The following ZNF560 variants were observed in gnomAD, a reference collection of about 807,000 sequenced individuals.
ZNF560 encodes zinc finger protein 560.
In ZNF560, 54 loss-of-function variants were observed where a neutral mutation model predicts 81.8. The ratio of observed to expected loss-of-function variants is 0.66; its 90% CI spans 0.53 to 0.83. The LOEUF is 0.83. Among genes scored for constraint, ZNF560 ranks in the 40% least tolerant of loss-of-function variants. The pLI is 0.00. For synonymous variants in ZNF560, 321 were observed against 317.9 expected, an observed-to-expected ratio of 1.01 and a Z score of -0.10; for missense variants, 940 against 932.4, an observed-to-expected ratio of 1.01 and a Z score of -0.11.
At chr19:9,461,692 G>A (rs915371054), downstream of ZNF560, among the ~76,000 whole-genome samples, 1 of 152,082 alleles carries the variant, frequency 6.6e-6, no homozygotes, top group Non-Finnish European at 1.5e-5. Context: ...TAGCTAGTTT[G>A]GAATATGGAA....
In ZNF560 at chr19:9,474,244, A is replaced by C; in HGVS notation, c.112T>G (p.Tyr38Asp). 1 of 1,614,152 alleles carries C rather than the reference A, an allele frequency of 6.2e-7. No homozygotes were observed. The highest frequency in any genetic ancestry group is 8.5e-7 in the Non-Finnish European group (1 of 1,180,012). Reference sequence around the variant, plus strand: ...TAATTCTCCAGCATCACATCTCTGTATAAGTTTCTCTGAACTGGGTCCAGT... The same window carrying C: ...TAATTCTCCAGCATCACATCTCTGTCTAAGTTTCTCTGAACTGGGTCCAGT... ...ILLDPVQRNL[Y>D]RDVMLENYEN... is the part of the protein sequence containing the mutation. The change falls in exon 4 of 10, where the codon TAC (tyrosine) becomes GAC (aspartate). Residue 38 changes from tyrosine (Y) to aspartate (D), a missense_variant. By Grantham distance (160) the Tyr-to-Asp change is radical. Transcript: ENST00000301480.
At chr19:9,483,718 G>T (rs1165862771) in intron 2 of ZNF560, among the ~76,000 whole-genome samples, 1 of 151,306 alleles carries the variant, frequency 6.6e-6, no homozygotes, top group African/African-American at 2.4e-5. Context: ...GGGAGGTGGG[G>T]GGCGCCTCTG....
At chr19:9,461,654 C>A (rs1363726048), downstream of ZNF560, among the ~76,000 whole-genome samples, 2 of 152,094 alleles carry the variant, frequency 1.3e-5, no homozygotes, top group Non-Finnish European at 2.9e-5. Flanking sequence ...TGATCTCCAA[C>A]CAACTGTAAT....
At chr19:9,471,401 GGTTTT>G (rs1054593156) in intron 5 of ZNF560, 23 bp from the exon 6 acceptor site, 1 of 1,423,838 alleles carries the variant, frequency 7.0e-7, no homozygotes, top group African/African-American at 1.6e-5. Context: ...CATAAACTGA[GGTTTT>G]TTTTTTTTTT....
At chr19:9,505,120 C>T in the ZNF560 span, among the ~76,000 whole-genome samples, 13 of 152,238 alleles carry the variant, frequency 8.5e-5, no homozygotes, top group Non-Finnish European at 2.9e-5. Context: ...AAGACAGAGT[C>T]TCATTATGTT....
At chr19:9,495,737 G>A (rs904605962) in intron 2 of ZNF560, among the ~76,000 whole-genome samples, 2 of 152,040 alleles carry the variant, frequency 1.3e-5, no homozygotes, top group Non-Finnish European at 2.9e-5. Context: ...AGAAAGAAAA[G>A]AAAGAAAGAA....
rs2073029100 is a variant in ZNF560, at chr19:9,466,881, C to T, written c.2066G>A (p.Cys689Tyr). The T allele has an allele frequency of 6.2e-7, 1 of 1,613,948 alleles. No homozygotes were observed. Among genetic ancestry groups the T allele is most frequent in the South Asian group, 1.1e-5 (1 of 91,082 alleles). ...AAEKTSECNACGNSFRNSMCF... is the reference protein window; with the variant it reads ...AAEKTSECNAYGNSFRNSMCF... ...CATGGAATTTCGAAAGGAATTTCCA[C>T]ATGCGTTACATTCAGAGGTCTTCTC... Residue 689 changes from cysteine to tyrosine, a missense_variant, in exon 10 of 10, where the codon TGT becomes TAT. Cys to Tyr is a radical substitution (Grantham distance 194). Coordinates refer to ENST00000301480, the MANE Select transcript of ZNF560 (RefSeq NM_152476.3).
chr19:9,496,198 C>T (rs1159633214), intron 2 of ZNF560, among the ~76,000 whole-genome samples: 1 of 151,946 alleles, frequency 6.6e-6, no homozygotes, highest in Non-Finnish European at 1.5e-5. Context: ...TCTGGGCGTC[C>T]TGCAAGGGAT....
At chr19:9,484,780 C>T (rs1215867164) in intron 2 of ZNF560, among the ~76,000 whole-genome samples, 1 of 148,936 alleles carries the variant, frequency 6.7e-6, no homozygotes, top group African/African-American at 2.5e-5. Flanking sequence ...AAGACTCCAT[C>T]TCAAAAAATA....
chr19:9,448,769 G>A, the ZNF560 span, among the ~76,000 whole-genome samples: 2 of 152,002 alleles, frequency 1.3e-5, no homozygotes, highest in African/African-American at 2.4e-5. Flanking sequence ...GGATAAAAAC[G>A]ACAAGTACTA....
At position 9,467,964 on chromosome 19, in the gene ZNF560, G is replaced by T. The variant is rs1395447697; in HGVS notation, c.983C>A (p.Ala328Glu). The change falls in exon 10 of 10, where the codon GCA (alanine) becomes GAA (glutamate). Residue 328 changes from alanine (A) to glutamate (E), a missense_variant. Transcript: ENST00000301480. ...AGCATGGCTTGTGGAGTGAGTAAATGCTTCCCCACATTGCTTCCATTCATT... is the reference window on the plus strand; with the variant it reads ...AGCATGGCTTGTGGAGTGAGTAAATTCTTCCCCACATTGCTTCCATTCATT... ...KLNEWKQCGE[A>E]FTHSTSHAVN... The T allele has an allele frequency of 6.2e-7, 1 of 1,614,120 alleles. No individual in the cohort carries two copies. The highest frequency in any genetic ancestry group is 2.2e-5 in the East Asian group (1 of 44,874).
chr19:9,472,896 A>G (rs1432542251), intron 5 of ZNF560, among the ~76,000 whole-genome samples: 1 of 151,984 alleles, frequency 6.6e-6, no homozygotes, highest in Non-Finnish European at 1.5e-5. Context: ...ACACTATGAC[A>G]CCACCCCCAA....
rs574165656 is a variant in ZNF560, at chr19:9,479,101, C to T, written c.-56-3732G>A. ...GAATCACTTGAATGGGCAGGAGAAT[C>T]GCTTGAACCCAGCAGATGAAGATTG... is the stretch of plus-strand genomic sequence containing the variant. On this transcript the variant is annotated intron_variant, in intron 2 of 9. Coordinates refer to ENST00000301480, the MANE Select transcript of ZNF560 (RefSeq NM_152476.3). 5.5e-4 allele frequency among the ~76,000 whole-genome samples: 84 copies of T among 151,568 alleles called. 1 individual carries two copies. In the South Asian group the frequency reaches 0.015, roughly 27 times the overall value.
chr19:9,501,452 G>C (rs529633835), upstream of ZNF560, among the ~76,000 whole-genome samples: 1 of 150,266 alleles, frequency 6.7e-6, no homozygotes, highest in Non-Finnish European at 1.5e-5. Flanking sequence ...TCCGCCTCCC[G>C]GGTTCAAGCG....
intron 9 of ZNF560, 101 bp from the exon 10 acceptor site, chr19:9,468,435 T>G (rs1288160147): frequency 1.1e-6 from 1 of 869,662 alleles, no homozygotes; most frequent in African/African-American, 1.7e-5. Flanking sequence ...TTGCCACTTT[T>G]ATAACATGCA....
At chr19:9,505,317 T>A in the ZNF560 span, among the ~76,000 whole-genome samples, 1 of 152,254 alleles carries the variant, frequency 6.6e-6, no homozygotes, top group South Asian at 2.1e-4. Flanking sequence ...GTTTGTCTGA[T>A]ATCATTATAG....
At chr19:9,453,729 A>G in the ZNF560 span, among the ~76,000 whole-genome samples, 1 of 152,264 alleles carries the variant, frequency 6.6e-6, no homozygotes, top group South Asian at 2.1e-4. Context: ...ATTCCAAAAC[A>G]TGAAAATAAA....
At chr19:9,493,862 G>C (rs536327551) in intron 2 of ZNF560, among the ~76,000 whole-genome samples, 45 of 152,162 alleles carry the variant, frequency 3.0e-4, no homozygotes, top group African/African-American at 1.1e-3. Context: ...TTCAGGCATG[G>C]TGGCTCACAC....
chr19:9,466,621 C>T lies in ZNF560; in HGVS notation c.2326G>A (p.Ala776Thr), dbSNP rs2073021458. ...KPFECDQCGK[A>T]FASFSARIAH... ...ATACGAGCTGAGAAAGAAGCAAAGG[C>T]TTTCCCACACTGGTCACATTCAAAG... Residue 776 changes from alanine (A) to threonine (T), a missense_variant, in exon 10 of 10, where the codon GCC becomes ACC. Coordinates refer to ENST00000301480, the MANE Select transcript of ZNF560 (RefSeq NM_152476.3). 6.2e-7 allele frequency: 1 copy of T among 1,610,542 alleles called. No homozygotes were observed. Among genetic ancestry groups the T allele is most frequent in the Non-Finnish European group, 8.5e-7 (1 of 1,177,726 alleles).
Sources: allele counts gnomAD v4.1 joint callset (sites outside exome capture counted in the v4.1 genomes callset), GRCh38; gene constraint gnomAD v4.1.1; transcripts MANE v1.5; gene names NCBI Gene and HGNC (gene_info 2026-07-23, HGNC 2026-07-21).